LIPA: variants seen among roughly 807,000 people sequenced by gnomAD.
LIPA encodes lipase A, lysosomal acid type.
In LIPA, 26 loss-of-function variants were observed where a neutral mutation model predicts 40.6. The observed-to-expected ratio is 0.64, with a 90% CI of 0.47 to 0.89. LIPA has a LOEUF of 0.89. Ranked by LOEUF, LIPA falls within the 40% of genes least tolerant of loss-of-function variation. LIPA has a pLI of 0.00. For missense variants in LIPA, 455 were observed against 479.6 expected, an observed-to-expected ratio of 0.95 and a Z score of 0.48; for synonymous variants, 188 against 168.4, an observed-to-expected ratio of 1.12 and a Z score of -0.90.
At chr10:89,350,526 C>T (rs1359926102) in intron 2 of LIPA, among the ~76,000 whole-genome samples, 1 of 151,908 alleles carries the variant, frequency 6.6e-6, no homozygotes, top group African/African-American at 2.4e-5. Context: ...AGGATGGTCT[C>T]GAACTCCAGA....
At chr10:89,403,301 T>C (rs554264308) in intron 2 of LIPA, 9 of 1,613,992 alleles carry the variant, frequency 5.6e-6, no homozygotes, top group Non-Finnish European at 7.6e-6. Context: ...TTGAGGTGGC[T>C]CATCTAGACC....
In LIPA at chr10:89,247,654, A is replaced by G. The variant is rs1403836580; in HGVS notation, c.-1-5T>C. 3.9e-6 allele frequency: 6 copies of G among 1,557,876 alleles called. No homozygotes were observed. The South Asian group carries it at 5.6e-5, about 14-fold the overall frequency. ...CCCAAGAACCGCATTTTCATTCTGT[A>G]TAATAAAACAGTCTATTATTATTTG... is the stretch of plus-strand genomic sequence containing the variant. On this transcript the variant is annotated splice_region_variant and splice_polypyrimidine_tract_variant and intron_variant, in intron 1 of 9. Transcript: ENST00000336233.
chr10:89,388,398 G>A (rs371801067), intron 2 of LIPA, among the ~76,000 whole-genome samples: 4 of 152,246 alleles, frequency 2.6e-5, no homozygotes, highest in South Asian at 4.2e-4. Flanking sequence ...GAATCACCGC[G>A]CCTGGCCGAA....
intron 1 of LIPA, among the ~76,000 whole-genome samples, chr10:89,271,888 C>T (rs1355392862): frequency 6.6e-6 from 1 of 151,756 alleles, no homozygotes; most frequent in Non-Finnish European, 1.5e-5. Flanking sequence ...CATATCAAAA[C>T]CCCAACTCTA....
chr10:89,239,749 G>A (rs898648319), intron 3 of LIPA, among the ~76,000 whole-genome samples: 8 of 152,162 alleles, frequency 5.3e-5, no homozygotes, highest in Admixed American at 2.6e-4. Context: ...AGTTTTCCAC[G>A]CACCCAGGAT....
Position 89,215,789 on chromosome 10 carries a change from T to C in LIPA, c.966+149A>G, listed in dbSNP as rs190019543. The stretch of plus-strand genomic sequence containing the variant: ...AACACCAGCTACAAAGCTTGGATTG[T>C]TCTGAATGGACTGATGGAAAACAAA... On this transcript the variant is annotated intron_variant, in intron 9 of 9. Coordinates refer to ENST00000336233, the MANE Select transcript of LIPA (RefSeq NM_000235.4). 134 of 744,996 alleles carry C rather than the reference T, an allele frequency of 1.8e-4. 1 individual carries two copies. In the African/African-American group the frequency reaches 2.1e-3, roughly 12 times the overall value. The allele number at this position is 744,996 out of a possible 1,614,324, so 46.1% of individuals were successfully genotyped here.
chr10:89,375,329 A>T (rs989510066), intron 2 of LIPA, among the ~76,000 whole-genome samples: 3 of 152,230 alleles, frequency 2.0e-5, no homozygotes, highest in African/African-American at 7.2e-5. Context: ...CTACTGAGCA[A>T]CATCATCTTG....
At chr10:89,317,296 T>C (rs1428009997) in intron 1 of LIPA, among the ~76,000 whole-genome samples, 2 of 152,122 alleles carry the variant, frequency 1.3e-5, no homozygotes, top group Non-Finnish European at 2.9e-5. Flanking sequence ...TTTGAACCCA[T>C]GGCAAAGAAG....
At chr10:89,218,319 CT>C (rs1161774896) in intron 8 of LIPA, among the ~76,000 whole-genome samples, 2 of 152,306 alleles carry the variant, frequency 1.3e-5, no homozygotes, top group East Asian at 3.9e-4. Flanking sequence ...TGATTTATGA[CT>C]GCAAAACAAC....
intron 1 of LIPA, among the ~76,000 whole-genome samples, chr10:89,292,808 G>T (rs1397577348): frequency 1.3e-5 from 2 of 151,068 alleles, no homozygotes; most frequent in Non-Finnish European, 3.0e-5. Context: ...ACCATGCCTG[G>T]CTACTTTTTT....
intron 2 of LIPA, among the ~76,000 whole-genome samples, chr10:89,388,394 C>G (rs1319775516): frequency 6.6e-6 from 1 of 152,204 alleles, no homozygotes; most frequent in African/African-American, 2.4e-5. Context: ...GTGTGAATCA[C>G]CGCGCCTGGC....
chr10:89,403,314 G>C (rs1844470781), intron 2 of LIPA: 1 of 1,613,794 alleles, frequency 6.2e-7, no homozygotes, highest in African/African-American at 1.3e-5. Flanking sequence ...TCTAGACCTG[G>C]CAAGAATGTA....
chr10:89,288,264 C>T (rs1017459325), intron 1 of LIPA, among the ~76,000 whole-genome samples: 4 of 152,128 alleles, frequency 2.6e-5, no homozygotes, highest in African/African-American at 9.7e-5. Flanking sequence ...GTATTTCCAC[C>T]TTTGGATACC....
chr10:89,262,557 T>G (rs909795271), intron 1 of LIPA, among the ~76,000 whole-genome samples: 1 of 152,258 alleles, frequency 6.6e-6, no homozygotes, highest in Non-Finnish European at 1.5e-5. Flanking sequence ...ATCTTCATTC[T>G]GCAGATATCA....
chr10:89,392,466 T>TCCCCCCCCCCC (rs759696601), intron 2 of LIPA: 8 of 287,678 alleles, frequency 2.8e-5, no homozygotes, highest in South Asian at 1.1e-4. Context: ...AAAGTTTCAT[T>TCCCCCCCCCCC]CCCCACCCCC....
At chr10:89,315,828 C>T (rs1411490425) in intron 1 of LIPA, among the ~76,000 whole-genome samples, 1 of 152,006 alleles carries the variant, frequency 6.6e-6, no homozygotes, top group East Asian at 1.9e-4. Flanking sequence ...CTGGAAAATT[C>T]GAGAACTAGT....
chr10:89,239,287 C>T (rs920676733), intron 3 of LIPA, among the ~76,000 whole-genome samples: 4 of 152,218 alleles, frequency 2.6e-5, no homozygotes, highest in Non-Finnish European at 4.4e-5. Context: ...GAAACAGTCA[C>T]GGGCTGTGTG....
chr10:89,413,269 TA>T (rs1841491558), intron 1 of LIPA, among the ~76,000 whole-genome samples: 1 of 152,218 alleles, frequency 6.6e-6, no homozygotes, highest in African/African-American at 2.4e-5. Context: ...AAATTTATAT[TA>T]AATTAAAAAT....
At chr10:89,322,824 ACCATAGCCT>A (rs1843579354) in intron 1 of LIPA, among the ~76,000 whole-genome samples, 1 of 152,186 alleles carries the variant, frequency 6.6e-6, no homozygotes, top group South Asian at 2.1e-4. Context: ...TCAGCCAGTG[ACCATAGCCT>A]CCTGTTCTCC....
Sources: allele counts gnomAD v4.1 joint callset (sites outside exome capture counted in the v4.1 genomes callset), GRCh38; gene constraint gnomAD v4.1.1; transcripts MANE v1.5; gene names NCBI Gene and HGNC (gene_info 2026-07-23, HGNC 2026-07-21).